RINT1: variants seen among roughly 807,000 people sequenced by gnomAD.
The protein encoded by RINT1 is RAD50 interactor 1.
Under a neutral mutation model 97.7 loss-of-function variants are expected in RINT1, and 75 were observed. The ratio of observed to expected loss-of-function variants is 0.77; its 90% CI spans 0.64 to 0.93. The LOEUF is 0.93. Among genes scored for constraint, RINT1 ranks in the 40% least tolerant of loss-of-function variants. The pLI, the probability that RINT1 is intolerant of heterozygous loss-of-function variation, is 0.00. For missense variants in RINT1, 892 were observed against 925.2 expected (o/e 0.96, Z 0.47); for synonymous variants, 303 against 326.3 (o/e 0.93, Z 0.77).
intron 4 of RINT1, among the ~76,000 whole-genome samples, chr7:105,545,505 G>C (rs549049212): frequency 1.4e-5 from 2 of 146,354 alleles, no homozygotes; most frequent in South Asian, 4.3e-4. Flanking sequence ...AAATTCTTCT[G>C]TAATATTTGT....
intron 7 of RINT1, among the ~76,000 whole-genome samples, chr7:105,549,187 A>G (rs553351424): frequency 6.6e-6 from 1 of 152,028 alleles, no homozygotes; most frequent in East Asian, 1.9e-4. Context: ...GGGTTTCACC[A>G]TATTGGTCAG....
rs781564277 is a variant in RINT1, at chr7:105,563,939, AAAAG to A, written c.1883_1886del (p.Glu628AspfsTer13). ...TTAAAGATGCTGCAAAATTGTATAA[AAAAG>A]AAAGGTATGTCCTCTATGTAAGTCA... is the stretch of plus-strand genomic sequence containing the variant. On this transcript the variant is annotated frameshift_variant, in exon 12 of 15. Coordinates refer to ENST00000257700, the MANE Select transcript of RINT1 (RefSeq NM_021930.6). LOFTEE classifies it high-confidence loss of function. The A allele has an allele frequency of 1.2e-6, 2 of 1,612,908 alleles. No individual in the cohort carries two copies. Among genetic ancestry groups the A allele is most frequent in the South Asian group, 2.2e-5 (2 of 91,038 alleles).
rs35971380 is a variant in RINT1, at chr7:105,565,393, T to C, written c.2003T>C (p.Phe668Ser). ...CTTCAGTTGGAGCAGCAGCTTTGTTTCTCCTTATTTAAAATTTTCTGGCAA... is the reference window on the plus strand; with the variant it reads ...CTTCAGTTGGAGCAGCAGCTTTGTTCCTCCTTATTTAAAATTTTCTGGCAA... ...HLLQLEQQLC[F>S]SLFKIFWQML... is the part of the protein sequence containing the mutation. Residue 668 changes from phenylalanine (F) to serine (S), a missense_variant, in exon 13 of 15, where the codon TTC (phenylalanine) becomes TCC (serine). Phe to Ser is a radical substitution (Grantham distance 155). Transcript: ENST00000257700. The C allele has an allele frequency of 5.5e-4, 892 of 1,614,146 alleles. 2 individuals are homozygous for C. The African/African-American group carries it at 0.011, about 20-fold the overall frequency.
Position 105,555,245 on chromosome 7 carries a change from T to C in RINT1, c.1671+18T>C. The stretch of plus-strand genomic sequence containing the variant: ...ACAATGTTGTGAGTTAATATGCTTT[T>C]ATATTAAGTAATATATACTAGTTCG... On this transcript the variant is annotated intron_variant, in intron 11 of 14. Transcript: ENST00000257700. The C allele has an allele frequency of 6.3e-7, 1 of 1,581,178 alleles. No homozygotes were observed. The highest frequency in any genetic ancestry group is 1.1e-5 in the South Asian group (1 of 89,724).
In RINT1 at chr7:105,546,897, A is replaced by G. The variant is rs780510255; in HGVS notation, c.516-13A>G. 2 of 1,576,946 alleles carry G rather than the reference A, an allele frequency of 1.3e-6. No individual in the cohort carries two copies. Among genetic ancestry groups the G allele is most frequent in the Admixed American group, 2.0e-5 (1 of 50,944 alleles). The stretch of plus-strand genomic sequence containing the variant: ...CTCAAAAGAAAAAAAAATTTGCTTT[A>G]CTTTGTTTACAGTGATAACATTCAG... On this transcript the variant is annotated splice_polypyrimidine_tract_variant and intron_variant, in intron 4 of 14. Transcript: ENST00000257700.
At position 105,547,201 on chromosome 7, in the gene RINT1, T is replaced by G; in HGVS notation, c.707T>G (p.Leu236Ter). ...CATTGCAGTGATTTTGAGGAAATTT[T>G]AGCACAGCTTCATTGGCCATTCATC... The part of the protein sequence containing the change: ...DKLTSDFEEI[L>*]AQLHWPFIAP... The change falls in exon 6 of 15, where the codon TTA becomes TGA. Residue 236 changes from leucine to a stop codon, truncating the protein, a stop_gained. Coordinates refer to ENST00000257700, the MANE Select transcript of RINT1 (RefSeq NM_021930.6). LOFTEE classifies it high-confidence loss of function. 1 of 1,614,214 alleles carries G rather than the reference T, an allele frequency of 6.2e-7. No individual in the cohort carries two copies.
At chr7:105,553,349 C>G (rs900103259) in intron 10 of RINT1, among the ~76,000 whole-genome samples, 1 of 151,914 alleles carries the variant, frequency 6.6e-6, no homozygotes, top group African/African-American at 2.4e-5. Flanking sequence ...CCTCAGCCTC[C>G]TGAGTAGCTG....
intron 3 of RINT1, chr7:105,542,136 C>T (rs1164692100): frequency 7.1e-6 from 2 of 282,056 alleles, no homozygotes; most frequent in Admixed American, 4.9e-5. Context: ...TACATACAGC[C>T]TGGGCAACAT....
intron 14 of RINT1, chr7:105,566,343 A>G (rs560123347): frequency 2.6e-5 from 4 of 152,304 alleles, no homozygotes; most frequent in South Asian, 2.1e-4. Context: ...AAATATAATT[A>G]TAGTTTCAGA....
chr7:105,538,016 G>A (rs1232450938), intron 3 of RINT1, among the ~76,000 whole-genome samples: 1 of 151,096 alleles, frequency 6.6e-6, no homozygotes, highest in Non-Finnish European at 1.5e-5. Flanking sequence ...TTTTTGAGAC[G>A]GAGTCTGACT....
intron 2 of RINT1, among the ~76,000 whole-genome samples, chr7:105,533,290 G>A (rs1447260824): frequency 1.3e-5 from 2 of 152,176 alleles, no homozygotes; most frequent in Admixed American, 1.3e-4. Context: ...TTCACCTTCA[G>A]TAAATTGGCA....
chr7:105,547,175 C>T lies in RINT1; in HGVS notation c.690-9C>T, dbSNP rs768482695. On this transcript the variant is annotated splice_polypyrimidine_tract_variant and intron_variant, in intron 5 of 14. Transcript: ENST00000257700. ...GTACTGAAATGTATGTGTTACTTTTCCATTGCAGTGATTTTGAGGAAATTT... is the reference window on the plus strand; with the variant it reads ...GTACTGAAATGTATGTGTTACTTTTTCATTGCAGTGATTTTGAGGAAATTT... 6.2e-7 allele frequency: 1 copy of T among 1,614,048 alleles called. No homozygotes were observed. Among genetic ancestry groups the T allele is most frequent in the East Asian group, 2.2e-5 (1 of 44,874 alleles).
At chr7:105,537,828 C>T (rs1381902056) in intron 3 of RINT1, among the ~76,000 whole-genome samples, 1 of 151,778 alleles carries the variant, frequency 6.6e-6, no homozygotes, top group African/African-American at 2.4e-5. Flanking sequence ...AAAAGTGACA[C>T]TCCGTCTCAA....
chr7:105,554,134 G>A (rs1228886792), intron 10 of RINT1, among the ~76,000 whole-genome samples: 24 of 151,670 alleles, frequency 1.6e-4, no homozygotes, highest in Non-Finnish European at 2.9e-5. Context: ...TTCTGACCTC[G>A]TGATCCACCC....
In RINT1 at chr7:105,546,966, T is replaced by C; in HGVS notation, c.572T>C (p.Leu191Pro). 6.2e-7 allele frequency: 1 copy of C among 1,613,928 alleles called. No individual in the cohort carries two copies. The highest frequency in any genetic ancestry group is 8.5e-7 in the Non-Finnish European group (1 of 1,179,896). ...AATGTACCGGAGGCAGCCTCCACTC[T>C]AGTGTCTATGGCAGAACTTGACATT... ...TNNVPEAAST[L>P]VSMAELDIKL... Residue 191 changes from leucine (L) to proline (P), a missense_variant, in exon 5 of 15, where the codon CTA (leucine) becomes CCA (proline). By Grantham distance (98) the Leu-to-Pro change is moderately conservative. Transcript: ENST00000257700.
At chr7:105,553,287 G>A (rs1447136984) in intron 10 of RINT1, among the ~76,000 whole-genome samples, 4 of 151,698 alleles carry the variant, frequency 2.6e-5, no homozygotes, top group African/African-American at 7.3e-5. Flanking sequence ...GTGCAATGGC[G>A]CAATCTCGGC....
chr7:105,545,129 T>A (rs1790607728), intron 4 of RINT1, among the ~76,000 whole-genome samples: 1 of 152,136 alleles, frequency 6.6e-6, no homozygotes, highest in Non-Finnish European at 1.5e-5. Flanking sequence ...TTTAGTGTTG[T>A]GAGGAAATCT....
intron 6 of RINT1, among the ~76,000 whole-genome samples, chr7:105,547,718 CTTT>C (rs34938925): frequency 1.7e-5 from 2 of 116,166 alleles, no homozygotes; most frequent in Non-Finnish European, 1.7e-5. Flanking sequence ...CATTTTTGTG[CTTT>C]TTTTTTTTTT....
chr7:105,555,022 C>T lies in RINT1; in HGVS notation c.1472-6C>T. 6.2e-7 allele frequency: 1 copy of T among 1,611,048 alleles called. No individual in the cohort carries two copies. Among genetic ancestry groups the T allele is most frequent in the Middle Eastern group, 1.7e-4 (1 of 6,040 alleles). On this transcript the variant is annotated splice_polypyrimidine_tract_variant and splice_region_variant and intron_variant, in intron 10 of 14. Coordinates refer to ENST00000257700, the MANE Select transcript of RINT1 (RefSeq NM_021930.6). ...CCTTCATATGTCTTAATAACTTTTT[C>T]CACAGACAGGTATAAAAATCTTCCC...
Sources: gnomAD v4.1 joint callset for allele counts (sites outside exome capture counted in the v4.1 genomes callset) on GRCh38, gnomAD v4.1.1 for gene constraint, MANE v1.5 for transcripts, NCBI Gene and HGNC (gene_info 2026-07-23, HGNC 2026-07-21) for gene names.